The following ABCA13 variants were observed in gnomAD, a reference collection of about 807,000 sequenced individuals.
ABCA13 encodes ATP-binding cassette sub-family A member 13.
ABCA13 carries 476 observed loss-of-function variants against 478.7 expected under a neutral mutation model. The ratio of observed to expected loss-of-function variants is 0.99; its 90% CI spans 0.92 to 1.07. The LOEUF (loss-of-function observed/expected upper bound fraction) is 1.07. ABCA13 is among the 50% of genes least tolerant of loss of function. The pLI, the probability that ABCA13 is intolerant of heterozygous loss-of-function variation, is 0.00. For synonymous variants in ABCA13, 2,252 were observed against 2,158.9 expected, an observed-to-expected ratio of 1.04 and a Z score of -1.20; for missense variants, 6,060 against 5,910.6, an observed-to-expected ratio of 1.03 and a Z score of -0.83.
rs181128000 is a variant in ABCA13, at chr7:48,440,439, T to C, written c.12565+12568T>C. Among the ~76,000 whole-genome samples the C allele has an allele frequency of 9.1e-4, 139 of 152,176 alleles. 2 individuals carry two copies. In the East Asian group the frequency reaches 0.025, roughly 27 times the overall value. ...TATGTAATTGCTTGTGTAATTTCTATGTAGTAATATTCCCTGCATATATCA... is the reference window on the plus strand; with the variant it reads ...TATGTAATTGCTTGTGTAATTTCTACGTAGTAATATTCCCTGCATATATCA... On this transcript the variant is annotated intron_variant, in intron 42 of 61. Transcript: ENST00000435803.
chr7:48,553,695 G>A (rs916895079), intron 55 of ABCA13, among the ~76,000 whole-genome samples: 1 of 151,830 alleles, frequency 6.6e-6, no homozygotes, highest in African/African-American at 2.4e-5. Flanking sequence ...AACTTGTTAT[G>A]TATTCTGGTT....
intron 29 of ABCA13, among the ~76,000 whole-genome samples, chr7:48,343,158 AT>A (rs1216502762): frequency 1.3e-5 from 2 of 152,110 alleles, no homozygotes; most frequent in Non-Finnish European, 2.9e-5. Context: ...GATTAAAAAA[AT>A]TGAAACCAGA....
intron 35 of ABCA13, among the ~76,000 whole-genome samples, chr7:48,384,853 C>T (rs1215379973): frequency 1.3e-5 from 2 of 152,168 alleles, no homozygotes; most frequent in African/African-American, 4.8e-5. Flanking sequence ...CAAGGCCACT[C>T]TCCTTGGCTT....
chr7:48,445,062 G>A (rs1215694570), intron 42 of ABCA13, among the ~76,000 whole-genome samples: 6 of 149,182 alleles, frequency 4.0e-5, no homozygotes, highest in Non-Finnish European at 5.9e-5. Flanking sequence ...AGGCTGGAGT[G>A]CAATGGCGAG....
At chr7:48,348,123 G>C (rs1022863413) in intron 29 of ABCA13, among the ~76,000 whole-genome samples, 1 of 152,158 alleles carries the variant, frequency 6.6e-6, no homozygotes, top group East Asian at 1.9e-4. Context: ...CAAGCCACAT[G>C]ACCTCTTGTT....
At chr7:48,396,990 A>G (rs1227829346) in intron 38 of ABCA13, among the ~76,000 whole-genome samples, 1 of 152,194 alleles carries the variant, frequency 6.6e-6, no homozygotes, top group Admixed American at 6.5e-5. Context: ...ACAAACACAG[A>G]ATACGGTAGA....
intron 20 of ABCA13, among the ~76,000 whole-genome samples, chr7:48,293,132 G>A (rs1166641999): frequency 6.6e-6 from 1 of 150,848 alleles, no homozygotes; most frequent in African/African-American, 2.4e-5. Context: ...AGGCGGTGGT[G>A]ACAGTGGCAT....
intron 43 of ABCA13, among the ~76,000 whole-genome samples, chr7:48,461,284 C>T (rs1305598952): frequency 6.6e-6 from 1 of 152,064 alleles, no homozygotes; most frequent in Non-Finnish European, 1.5e-5. Context: ...TCCTGGTTTC[C>T]CTTCCCTTGT....
intron 1 of ABCA13, among the ~76,000 whole-genome samples, chr7:48,182,040 C>T (rs1238900813): frequency 2.6e-5 from 4 of 152,104 alleles, no homozygotes; most frequent in Non-Finnish European, 5.9e-5. Context: ...ATACCCACCT[C>T]CCCTGCTGTA....
intron 28 of ABCA13, among the ~76,000 whole-genome samples, chr7:48,336,997 G>A (rs573397318): frequency 1.3e-5 from 2 of 152,194 alleles, no homozygotes; most frequent in Non-Finnish European, 2.9e-5. Context: ...AAATAGGGCA[G>A]CTCCTTGTGA....
chr7:48,340,430 C>G (rs571533010), intron 29 of ABCA13, among the ~76,000 whole-genome samples: 1 of 152,216 alleles, frequency 6.6e-6, no homozygotes, highest in Non-Finnish European at 1.5e-5. Flanking sequence ...TAAAAAATAA[C>G]TTTTTGCTTT....
chr7:48,373,558 C>G (rs367665002), intron 33 of ABCA13, among the ~76,000 whole-genome samples: 1 of 152,214 alleles, frequency 6.6e-6, no homozygotes, highest in East Asian at 1.9e-4. Context: ...TCTTGATTAG[C>G]TTATGTTACA....
intron 42 of ABCA13, among the ~76,000 whole-genome samples, chr7:48,428,346 G>C (rs1028810173): frequency 6.6e-6 from 1 of 152,108 alleles, no homozygotes; most frequent in Non-Finnish European, 1.5e-5. Context: ...TTTGTATGCA[G>C]CCTCCTTTAT....
intron 1 of ABCA13, among the ~76,000 whole-genome samples, chr7:48,174,069 T>C (rs1794516510): frequency 6.6e-6 from 1 of 152,232 alleles, no homozygotes; most frequent in Non-Finnish European, 1.5e-5. Flanking sequence ...CCCCTCTGGG[T>C]GAATGTCTTT....
intron 55 of ABCA13, among the ~76,000 whole-genome samples, chr7:48,564,293 A>G (rs1786796185): frequency 1.3e-5 from 2 of 151,882 alleles, no homozygotes; most frequent in African/African-American, 4.8e-5. Flanking sequence ...GAGGTAAAAT[A>G]CATTAGAATC....
At chr7:48,533,550 A>G (rs541317860) in intron 55 of ABCA13, among the ~76,000 whole-genome samples, 1 of 151,712 alleles carries the variant, frequency 6.6e-6, no homozygotes, top group East Asian at 1.9e-4. Context: ...TTCTTTGTTG[A>G]CTTTCTGTCT....
At chr7:48,349,002 G>A (rs1412755567) in intron 29 of ABCA13, among the ~76,000 whole-genome samples, 1 of 152,178 alleles carries the variant, frequency 6.6e-6, no homozygotes, top group Non-Finnish European at 1.5e-5. Context: ...TTTGAATCAT[G>A]GTTTTGAAAC....
chr7:48,310,236 A>C, intron 24 of ABCA13, 95 bp downstream of exon 24: 1 of 1,373,658 alleles, frequency 7.3e-7, no homozygotes, highest in Non-Finnish European at 9.9e-7. Context: ...CGGCAGTGGG[A>C]GATCAGCACC....
intron 49 of ABCA13, among the ~76,000 whole-genome samples, chr7:48,507,190 T>C (rs1831289770): frequency 6.6e-6 from 1 of 152,134 alleles, no homozygotes; most frequent in Non-Finnish European, 1.5e-5. Flanking sequence ...ACATCTGTTG[T>C]AGAATGCGAC....
Sources: gnomAD v4.1 joint callset for allele counts (sites outside exome capture counted in the v4.1 genomes callset) on GRCh38, gnomAD v4.1.1 for gene constraint, MANE v1.5 for transcripts, NCBI Gene and HGNC (gene_info 2026-07-23, HGNC 2026-07-21) for gene names.